Variants in ZC3H12B observed in about 807,000 individuals in gnomAD.
The protein encoded by ZC3H12B is probable ribonuclease ZC3H12B.
ZC3H12B carries 7 observed loss-of-function variants against 43.9 expected under a neutral mutation model. That is an observed-to-expected ratio of 0.16 (90% CI 0.09 to 0.30). The LOEUF is 0.30. Ranked by LOEUF, ZC3H12B falls within the 10% of genes least tolerant of loss-of-function variation. The pLI is 1.00. For missense variants in ZC3H12B, 475 were observed against 670.2 expected, an observed-to-expected ratio of 0.71 and a Z score of 3.22; for synonymous variants, 222 against 241.7, an observed-to-expected ratio of 0.92 and a Z score of 0.76.
At chrX:65,356,232 G>A in the ZC3H12B span, among the ~76,000 whole-genome samples, 6 of 111,342 alleles carry the variant, frequency 5.4e-5, no homozygotes, top group African/African-American at 1.3e-4. Context: ...ACTTTTGAAG[G>A]TTGTTTTGTG....
chrX:65,411,978 T>G (rs999118652), intron 3 of ZC3H12B, among the ~76,000 whole-genome samples: 14 of 110,790 alleles, frequency 1.3e-4, no homozygotes, highest in Non-Finnish European at 2.6e-4. Flanking sequence ...TTTTTCAAAA[T>G]TAACTTATTG....
At chrX:65,207,216 A>T in the ZC3H12B span, among the ~76,000 whole-genome samples, 1 of 106,174 alleles carries the variant, frequency 9.4e-6, no homozygotes, top group Non-Finnish European at 1.9e-5. Context: ...ACACATGTTT[A>T]TAGGAGCACA....
At chrX:65,219,501 T>C in the ZC3H12B span, among the ~76,000 whole-genome samples, 2 of 111,091 alleles carry the variant, frequency 1.8e-5, no homozygotes, top group Non-Finnish European at 3.8e-5. Flanking sequence ...ACATAGAGAA[T>C]TGTGAAATGC....
At chrX:65,470,535 T>A (rs1400295523) in intron 3 of ZC3H12B, among the ~76,000 whole-genome samples, 2 of 110,874 alleles carry the variant, frequency 1.8e-5, no homozygotes, top group East Asian at 2.8e-4. Flanking sequence ...CCTCCTCAAC[T>A]CTTCCTTAAT....
At chrX:65,240,764 G>A in the ZC3H12B span, among the ~76,000 whole-genome samples, 1 of 112,172 alleles carries the variant, frequency 8.9e-6, no homozygotes, top group African/African-American at 3.2e-5. Flanking sequence ...AGCGGTTTTT[G>A]TTAATAATAT....
At chrX:65,137,991 G>A in the ZC3H12B span, among the ~76,000 whole-genome samples, 1 of 111,536 alleles carries the variant, frequency 9.0e-6, no homozygotes, top group African/African-American at 3.3e-5. Context: ...ACCATGCCCA[G>A]CTAGTTTTTG....
chrX:65,326,453 A>T, the ZC3H12B span, among the ~76,000 whole-genome samples: 2 of 111,138 alleles, frequency 1.8e-5, no homozygotes, highest in Non-Finnish European at 3.8e-5. Context: ...GAAGATAAAA[A>T]GGTGGAACTC....
chrX:65,104,492 G>T, the ZC3H12B span, among the ~76,000 whole-genome samples: 127 of 111,672 alleles, frequency 1.1e-3, 1 homozygote, highest in African/African-American at 3.9e-3. Context: ...CAGAATGGGA[G>T]AAAATTTTTG....
chrX:65,212,683 A>G, the ZC3H12B span, among the ~76,000 whole-genome samples: 1 of 90,429 alleles, frequency 1.1e-5, no homozygotes, highest in Non-Finnish European at 2.1e-5. Context: ...TGATTTATAT[A>G]TCATATATAA....
At chrX:65,163,627 C>T in the ZC3H12B span, among the ~76,000 whole-genome samples, 19 of 111,959 alleles carry the variant, frequency 1.7e-4, no homozygotes, top group African/African-American at 4.5e-4. Context: ...GTCAGAAAAG[C>T]GCAGTATTAG....
At chrX:65,374,772 C>T (rs917075565) in intron 2 of ZC3H12B, among the ~76,000 whole-genome samples, 1 of 110,892 alleles carries the variant, frequency 9.0e-6, no homozygotes, top group African/African-American at 3.3e-5. Context: ...CACGGTGGAA[C>T]GGGAAGCAAT....
the ZC3H12B span, among the ~76,000 whole-genome samples, chrX:65,075,365 C>T: frequency 8.9e-6 from 1 of 112,505 alleles, no homozygotes; most frequent in Admixed American, 9.4e-5. Context: ...CTTTACTCTT[C>T]TGTCTCCCCT....
At chrX:65,193,719 A>G in the ZC3H12B span, among the ~76,000 whole-genome samples, 2 of 111,554 alleles carry the variant, frequency 1.8e-5, no homozygotes, top group African/African-American at 6.5e-5. Context: ...TGAATCATTA[A>G]GTGGTTTATT....
At chrX:65,202,658 G>A in the ZC3H12B span, among the ~76,000 whole-genome samples, 3 of 111,486 alleles carry the variant, frequency 2.7e-5, no homozygotes, top group Non-Finnish European at 5.6e-5. Flanking sequence ...AAGCACTCCT[G>A]TAGTCACTAC....
At chrX:65,347,816 G>A in the ZC3H12B span, among the ~76,000 whole-genome samples, 2 of 112,246 alleles carry the variant, frequency 1.8e-5, no homozygotes, top group African/African-American at 6.5e-5. Context: ...ATTCACAATA[G>A]CAAAGACTTG....
At chrX:65,391,805 C>T (rs1235766812) in intron 2 of ZC3H12B, among the ~76,000 whole-genome samples, 1 of 111,615 alleles carries the variant, frequency 9.0e-6, no homozygotes, top group East Asian at 2.8e-4. Flanking sequence ...TTTCCATGGT[C>T]TCCCTCTGTT....
At chrX:65,388,363 C>T (rs1376011948) in intron 2 of ZC3H12B, among the ~76,000 whole-genome samples, 1 of 111,637 alleles carries the variant, frequency 9.0e-6, no homozygotes, top group African/African-American at 3.3e-5. Flanking sequence ...TTTCTCTAAA[C>T]TTCTCTTCTT....
chrX:65,451,644 G>T (rs919649355), intron 3 of ZC3H12B, among the ~76,000 whole-genome samples: 7 of 111,647 alleles, frequency 6.3e-5, no homozygotes, highest in African/African-American at 2.3e-4. Context: ...TCAGCCTTTT[G>T]TTGTCATTGT....
chrX:65,377,834 T>C (rs2066368138), intron 2 of ZC3H12B, among the ~76,000 whole-genome samples: 1 of 111,207 alleles, frequency 9.0e-6, no homozygotes, highest in Admixed American at 9.6e-5. Flanking sequence ...TCACAGCAGC[T>C]CAGCCTGTAA....
Sources: gnomAD v4.1 joint callset for allele counts (sites outside exome capture counted in the v4.1 genomes callset) on GRCh38, gnomAD v4.1.1 for gene constraint, MANE v1.5 for transcripts, NCBI Gene and HGNC (gene_info 2026-07-23, HGNC 2026-07-21) for gene names.